The following TMEM51 variants were observed in gnomAD, a reference collection of about 807,000 sequenced individuals.
The protein encoded by TMEM51 is transmembrane protein 51.
TMEM51 carries 8 observed loss-of-function variants against 13.6 expected under a neutral mutation model. The observed-to-expected ratio is 0.59, with a 90% CI of 0.35 to 1.07. The LOEUF (loss-of-function observed/expected upper bound fraction) is 1.07, where lower values mean the gene tolerates loss of function less well. TMEM51 is among the 50% of genes least tolerant of loss of function. TMEM51 has a pLI of 0.02. For synonymous variants in TMEM51, 147 were observed against 144.4 expected (o/e 1.02, Z -0.13); for missense variants, 279 against 330.7 (o/e 0.84, Z 1.21).
chr1:15,168,631 C>T (rs1186025328), intron 1 of TMEM51: 1 of 1,304,418 alleles, frequency 7.7e-7, no homozygotes, highest in Non-Finnish European at 1.0e-6. Flanking sequence ...TTCAACCTTG[C>T]CTGTGTGTTT....
intron 1 of TMEM51, among the ~76,000 whole-genome samples, chr1:15,185,002 A>G (rs1643728379): frequency 6.6e-6 from 1 of 152,134 alleles, no homozygotes; most frequent in Non-Finnish European, 1.5e-5. Context: ...AACCTTGCAT[A>G]GAAGTACAGG....
Position 15,206,836 on chromosome 1 carries a change from T to C in TMEM51, c.-266-3654T>C, listed in dbSNP as rs1644259311. The stretch of plus-strand genomic sequence containing the variant: ...CCTCCTCCCAGCTCCCCTGCCTCTA[T>C]GCCTCATTTGCACATTGCTTTTTGT... On this transcript the variant is annotated intron_variant, in intron 1 of 3. Transcript: ENST00000376008. Among the ~76,000 whole-genome samples the C allele has an allele frequency of 3.3e-5, 5 of 152,200 alleles. No individual in the cohort carries two copies. The South Asian group carries it at 1.0e-3, about 31-fold the overall frequency.
intron 2 of TMEM51, among the ~76,000 whole-genome samples, chr1:15,214,006 C>CTTTTTTTTTTTTTTTTTTTTTTTTT (rs367871717): frequency 1.6e-5 from 2 of 124,204 alleles, no homozygotes; most frequent in African/African-American, 6.1e-5. Context: ...AGCACCCAGC[C>CTTTTTTTTTTTTTTTTTTTTTTTTT]TTTTTTTTTT....
intron 1 of TMEM51, among the ~76,000 whole-genome samples, chr1:15,165,410 G>A (rs981411987): frequency 2.6e-5 from 4 of 152,152 alleles, no homozygotes; most frequent in African/African-American, 4.8e-5. Flanking sequence ...AAACAATGCC[G>A]TCTTTCACAC....
chr1:15,168,868 C>A, intron 1 of TMEM51: 1 of 1,200,990 alleles, frequency 8.3e-7, no homozygotes, highest in South Asian at 1.5e-5. Context: ...TTGGGGACTA[C>A]CCTTATTAGA....
At chr1:15,185,243 C>T (rs2100248592) in intron 1 of TMEM51, among the ~76,000 whole-genome samples, 1 of 152,334 alleles carries the variant, frequency 6.6e-6, no homozygotes, top group South Asian at 2.1e-4. Flanking sequence ...ATTCCTACCC[C>T]ATGGGGAAGG....
At chr1:15,213,508 G>T (rs1425200214) in intron 2 of TMEM51, among the ~76,000 whole-genome samples, 1 of 152,104 alleles carries the variant, frequency 6.6e-6, no homozygotes, top group Non-Finnish European at 1.5e-5. Context: ...ATAATGTATG[G>T]GGGAGAGGTT....
At chr1:15,175,466 T>G (rs1013063337) in intron 1 of TMEM51, among the ~76,000 whole-genome samples, 14 of 152,188 alleles carry the variant, frequency 9.2e-5, no homozygotes, top group Non-Finnish European at 1.9e-4. Context: ...GGTTTTCTGT[T>G]CCCCTTCTAT....
Position 15,219,737 on chromosome 1 carries a change from C to T in TMEM51, c.756C>T (p.Pro252=), listed in dbSNP as rs138490339. The stretch of plus-strand genomic sequence containing the variant: ...AGAAGGCCCCCGACACCCGGCCGCC[C>T]GACTGAATGGCCCCACTTGAGCCAC... The part of the protein sequence containing the change: ...VQEKAPDTRP[P]D The change falls in exon 4 of 4, where the codon CCC becomes CCT. Residue 252 remains proline, a synonymous_variant. Coordinates refer to ENST00000376008, the MANE Select transcript of TMEM51 (RefSeq NM_001136218.2). 8.0e-4 allele frequency: 1,297 copies of T among 1,612,574 alleles called. 18 individuals carry two copies. In the Admixed American group the frequency reaches 0.018, roughly 23 times the overall value.
intron 1 of TMEM51, chr1:15,171,079 G>C: frequency 9.9e-7 from 1 of 1,015,056 alleles, no homozygotes; most frequent in Non-Finnish European, 1.3e-6. Flanking sequence ...TTAAAACATA[G>C]ATTGCTGGGT....
At chr1:15,171,998 G>C (rs1643294040) in intron 1 of TMEM51, among the ~76,000 whole-genome samples, 1 of 152,160 alleles carries the variant, frequency 6.6e-6, no homozygotes, top group African/African-American at 2.4e-5. Flanking sequence ...CTTCAGCAGT[G>C]GGACTCAGGA....
At chr1:15,201,508 G>A (rs189020658) in intron 1 of TMEM51, among the ~76,000 whole-genome samples, 3 of 152,040 alleles carry the variant, frequency 2.0e-5, no homozygotes, top group Non-Finnish European at 2.9e-5. Context: ...TTTCATAGGA[G>A]CTTAGGAGAA....
intron 1 of TMEM51, among the ~76,000 whole-genome samples, chr1:15,210,223 T>C (rs1312375373): frequency 6.6e-6 from 1 of 152,202 alleles, no homozygotes; most frequent in African/African-American, 2.4e-5. Flanking sequence ...TCCTCTGATA[T>C]TCTCTGGAGC....
intron 1 of TMEM51, among the ~76,000 whole-genome samples, chr1:15,200,138 A>G (rs1000644062): frequency 6.6e-6 from 1 of 152,048 alleles, no homozygotes; most frequent in African/African-American, 2.4e-5. Context: ...AAGGTGAAGT[A>G]AAGTCATATG....
chr1:15,198,890 T>C (rs1203066176), intron 1 of TMEM51, among the ~76,000 whole-genome samples: 1 of 152,214 alleles, frequency 6.6e-6, no homozygotes, highest in East Asian at 1.9e-4. Context: ...GCCAGATCTC[T>C]CTGGTGCATT....
intron 3 of TMEM51, 36 bp from the exon 4 acceptor site, chr1:15,219,290 G>C: frequency 6.5e-7 from 1 of 1,545,886 alleles, no homozygotes; most frequent in Non-Finnish European, 8.7e-7. Flanking sequence ...CTTGAGCACA[G>C]GCTAACACTC....
intron 1 of TMEM51, among the ~76,000 whole-genome samples, chr1:15,199,920 TG>T (rs1168027430): frequency 6.6e-6 from 1 of 152,100 alleles, no homozygotes; most frequent in Non-Finnish European, 1.5e-5. Flanking sequence ...TGCTGGGAGA[TG>T]ATGTGTGAAA....
In TMEM51 at chr1:15,197,232, G is replaced by T. The variant is rs553765567; in HGVS notation, c.-266-13258G>T. 2.0e-5 allele frequency among the ~76,000 whole-genome samples: 3 copies of T among 152,336 alleles called. No homozygotes were observed. The East Asian group carries it at 5.8e-4, about 29-fold the overall frequency. Reference sequence around the variant, plus strand: ...TGTGCCCCAGAGTGTGGGAGGCCCTGATTGGCCAGGCCTGGGCATGTGCCT... The same window carrying T: ...TGTGCCCCAGAGTGTGGGAGGCCCTTATTGGCCAGGCCTGGGCATGTGCCT... On this transcript the variant is annotated intron_variant, in intron 1 of 3. Transcript: ENST00000376008.
intron 1 of TMEM51, among the ~76,000 whole-genome samples, chr1:15,166,836 C>G (rs1189985259): frequency 6.6e-6 from 1 of 152,200 alleles, no homozygotes; most frequent in Non-Finnish European, 1.5e-5. Context: ...GTAACCACCA[C>G]CACAATCAAG....
Sources: gnomAD v4.1 joint callset for allele counts (sites outside exome capture counted in the v4.1 genomes callset) on GRCh38, gnomAD v4.1.1 for gene constraint, MANE v1.5 for transcripts, NCBI Gene and HGNC (gene_info 2026-07-23, HGNC 2026-07-21) for gene names.